The following NRXN3 variants were observed in gnomAD, a reference collection of about 807,000 sequenced individuals.
NRXN3 encodes neurexin 3.
A neutral mutation model predicts 137.6 loss-of-function variants in NRXN3; 32 were observed. The ratio of observed to expected loss-of-function variants is 0.23; its 90% confidence interval spans 0.18 to 0.31. NRXN3 has a LOEUF of 0.31. Ranked by LOEUF, NRXN3 falls within the 10% of genes least tolerant of loss-of-function variation. The pLI is 1.00. For synonymous variants in NRXN3, 798 were observed against 784.5 expected (o/e 1.02, Z -0.29); for missense variants, 1,574 against 2,062.5 (o/e 0.76, Z 4.59).
chr14:79,680,461 A>ATG (rs1018716431), intron 17 of NRXN3, among the ~76,000 whole-genome samples: 90 of 130,972 alleles, frequency 6.9e-4, no homozygotes, highest in Non-Finnish European at 9.0e-4. Context: ...GTGTGTGTGT[A>ATG]TGTGTGTGTG....
At position 78,438,856 on chromosome 14, in the gene NRXN3, C is replaced by G. The variant is rs565120629; in HGVS notation, c.757+140996C>G. ...AGGATTTCAATGAGAGGGTTGTCAG[C>G]AAGCCACATGCCACCAAGAGCTCAA... On this transcript the variant is annotated intron_variant, in intron 4 of 20. Transcript: ENST00000335750. Among the ~76,000 whole-genome samples the G allele has an allele frequency of 5.3e-5, 8 of 152,036 alleles. No individual in the cohort carries two copies. The East Asian group carries it at 1.5e-3, about 29-fold the overall frequency.
At chr14:79,468,232 A>T (rs981171108) in intron 16 of NRXN3, among the ~76,000 whole-genome samples, 4 of 152,236 alleles carry the variant, frequency 2.6e-5, no homozygotes, top group African/African-American at 9.6e-5. Flanking sequence ...AGAAGAAAAA[A>T]TTCTTTTGTT....
chr14:78,565,988 C>T (rs1480097609), intron 4 of NRXN3, among the ~76,000 whole-genome samples: 1 of 152,312 alleles, frequency 6.6e-6, no homozygotes, highest in African/African-American at 2.4e-5. Flanking sequence ...TCCACAGATT[C>T]TATCCCTTTA....
rs182526377 is a variant in NRXN3 at position 78,881,562 on chromosome 14, G to C, written c.2275+71218G>C. On this transcript the variant is annotated intron_variant, in intron 10 of 20. Coordinates refer to ENST00000335750, the MANE Select transcript of NRXN3 (RefSeq NM_001330195.2). ...CATTTTGCCCCTGCTCTAGAGATCT[G>C]TGGAACTTTGAACTTGAGAGAGATG... 5.1e-3 allele frequency among the ~76,000 whole-genome samples: 772 copies of C among 151,698 alleles called. 11 individuals carry two copies. The highest frequency in any genetic ancestry group is 6.2e-3 in the Non-Finnish European group (424 of 68,020).
chr14:79,303,202 T>G (rs2085443094), intron 15 of NRXN3, among the ~76,000 whole-genome samples: 2 of 151,968 alleles, frequency 1.3e-5, no homozygotes, highest in Non-Finnish European at 1.5e-5. Context: ...TAAAGACGCA[T>G]TTAGGAATTT....
At chr14:79,394,979 G>T (rs147846385) in intron 15 of NRXN3, among the ~76,000 whole-genome samples, 1 of 152,242 alleles carries the variant, frequency 6.6e-6, no homozygotes, top group African/African-American at 2.4e-5. Context: ...ATTTTACCCA[G>T]AGCAATAAAT....
intron 4 of NRXN3, among the ~76,000 whole-genome samples, chr14:78,434,356 T>C (rs916071917): frequency 6.6e-6 from 1 of 152,158 alleles, no homozygotes; most frequent in African/African-American, 2.4e-5. Flanking sequence ...TCTTCATATT[T>C]GTATGGTGTT....
At chr14:79,153,895 G>A (rs960377547) in intron 15 of NRXN3, among the ~76,000 whole-genome samples, 1 of 151,954 alleles carries the variant, frequency 6.6e-6, no homozygotes, top group African/African-American at 2.4e-5. Flanking sequence ...ATCCAGATTT[G>A]GAAGGAGTAG....
chr14:78,422,275 A>G (rs2093478334), intron 4 of NRXN3, among the ~76,000 whole-genome samples: 1 of 152,134 alleles, frequency 6.6e-6, no homozygotes, highest in Non-Finnish European at 1.5e-5. Context: ...TGCCCTTGTA[A>G]CACTTCAGAA....
intron 16 of NRXN3, among the ~76,000 whole-genome samples, chr14:79,467,691 G>A (rs1202291875): frequency 6.6e-6 from 1 of 152,086 alleles, no homozygotes; most frequent in Non-Finnish European, 1.5e-5. Context: ...AGACTTCTAG[G>A]GTATATTTAA....
chr14:78,875,077 C>T (rs900287765), intron 10 of NRXN3, among the ~76,000 whole-genome samples: 6 of 152,160 alleles, frequency 3.9e-5, no homozygotes, highest in Non-Finnish European at 8.8e-5. Flanking sequence ...TGGGCCTCTG[C>T]TGGAAGAGCA....
chr14:79,234,316 A>ATATATATATATATAATATT (rs2072900498), intron 15 of NRXN3, among the ~76,000 whole-genome samples: 2 of 119,090 alleles, frequency 1.7e-5, no homozygotes, highest in Non-Finnish European at 3.5e-5. Context: ...ATATATATAT[A>ATATATATATATATAATATT]TATATATATA....
chr14:79,258,051 G>C (rs1316045356), intron 15 of NRXN3, among the ~76,000 whole-genome samples: 3 of 152,134 alleles, frequency 2.0e-5, no homozygotes, highest in Non-Finnish European at 4.4e-5. Context: ...GTTTAAGTTA[G>C]TAATCACTGT....
intron 4 of NRXN3, among the ~76,000 whole-genome samples, chr14:78,582,196 G>A (rs61976069): frequency 0.034 from 5,158 of 152,266 alleles, 97 homozygotes; most frequent in Middle Eastern, 0.078. Flanking sequence ...AGTTTAGGAA[G>A]CCTAGGAGGT....
intron 15 of NRXN3, among the ~76,000 whole-genome samples, chr14:79,081,840 G>A (rs1394173566): frequency 6.6e-6 from 1 of 151,958 alleles, no homozygotes; most frequent in Non-Finnish European, 1.5e-5. Context: ...AGATCTTTAT[G>A]GTTACTGTTA....
chr14:78,538,203 C>T (rs1194337188), intron 4 of NRXN3, among the ~76,000 whole-genome samples: 2 of 152,138 alleles, frequency 1.3e-5, no homozygotes, highest in Non-Finnish European at 2.9e-5. Context: ...TTACTTTGGG[C>T]AGTATGGCCA....
At chr14:78,186,033 G>C (rs531100595) in intron 1 of NRXN3, among the ~76,000 whole-genome samples, 69 of 152,296 alleles carry the variant, frequency 4.5e-4, no homozygotes, top group African/African-American at 1.5e-3. Flanking sequence ...CCCTGGATTT[G>C]GCAGAATCAG....
intron 20 of NRXN3, among the ~76,000 whole-genome samples, chr14:79,807,475 G>A (rs1469919679): frequency 2.0e-5 from 3 of 152,074 alleles, no homozygotes; most frequent in Admixed American, 6.5e-5. Flanking sequence ...CAGTTTATGG[G>A]TATATATTGC....
intron 6 of NRXN3, among the ~76,000 whole-genome samples, chr14:78,696,011 A>C (rs1175594264): frequency 6.6e-6 from 1 of 151,996 alleles, no homozygotes; most frequent in African/African-American, 2.4e-5. Flanking sequence ...AGTCTTCCTC[A>C]AGGCTTTGGC....
Sources: gnomAD v4.1 joint callset for allele counts (sites outside exome capture counted in the v4.1 genomes callset) on GRCh38, gnomAD v4.1.1 for gene constraint, MANE v1.5 for transcripts, NCBI Gene and HGNC (gene_info 2026-07-23, HGNC 2026-07-21) for gene names.